The following CTNNA2 variants were observed in gnomAD, a reference collection of about 807,000 sequenced individuals.
CTNNA2 encodes the protein catenin alpha 2, also known as catenin alpha-2.
CTNNA2 carries 42 observed loss-of-function variants against 101.0 expected under a neutral mutation model. That is an observed-to-expected ratio of 0.42 (90% confidence interval 0.32 to 0.54). The LOEUF (loss-of-function observed/expected upper bound fraction) is 0.54, where lower values mean the gene tolerates loss of function less well. Among genes scored for constraint, CTNNA2 ranks in the 20% least tolerant of loss-of-function variants. The pLI is 0.14. For missense variants in CTNNA2, 871 were observed against 1,223.1 expected (o/e 0.71, Z 4.29); for synonymous variants, 450 against 456.4 (o/e 0.99, Z 0.18).
intron 7 of CTNNA2, among the ~76,000 whole-genome samples, chr2:80,334,071 C>T (rs1344241308): frequency 6.6e-6 from 1 of 152,136 alleles, no homozygotes; most frequent in Non-Finnish European, 1.5e-5. Flanking sequence ...ACTCCCTGGA[C>T]CTTTCTGCTG....
intron 7 of CTNNA2, among the ~76,000 whole-genome samples, chr2:80,353,170 A>G (rs992882492): frequency 3.3e-5 from 5 of 151,928 alleles, no homozygotes; most frequent in African/African-American, 1.2e-4. Context: ...TTTCCCCTCC[A>G]TTTAGATTTA....
At chr2:79,949,712 A>T (rs541995875) in intron 7 of CTNNA2, among the ~76,000 whole-genome samples, 1 of 152,298 alleles carries the variant, frequency 6.6e-6, no homozygotes, top group African/African-American at 2.4e-5. Context: ...CAGTAGTTCG[A>T]GGCTGTAGGG....
chr2:79,921,976 G>C (rs1311199776), intron 7 of CTNNA2, among the ~76,000 whole-genome samples: 1 of 152,174 alleles, frequency 6.6e-6, no homozygotes, highest in Non-Finnish European at 1.5e-5. Context: ...CAGGGAAAGA[G>C]CTGGGAAGGT....
intron 4 of CTNNA2, among the ~76,000 whole-genome samples, chr2:79,444,885 G>A (rs1048394236): frequency 6.6e-6 from 1 of 152,020 alleles, no homozygotes; most frequent in Admixed American, 6.6e-5. Flanking sequence ...TTAGAAAAAT[G>A]GAAGAAATTA....
intron 7 of CTNNA2, among the ~76,000 whole-genome samples, chr2:79,945,623 C>G (rs148265384): frequency 3.9e-5 from 6 of 152,124 alleles, no homozygotes; most frequent in Non-Finnish European, 8.8e-5. Context: ...CAGCAAAGCA[C>G]TAGGTTTTTG....
intron 7 of CTNNA2, among the ~76,000 whole-genome samples, chr2:79,918,082 T>C (rs192658258): frequency 1.5e-4 from 22 of 147,140 alleles, no homozygotes; most frequent in African/African-American, 5.6e-4. Flanking sequence ...CCCTGTTGCC[T>C]TCATTGCGGT....
chr2:80,282,812 T>C (rs574277996), intron 7 of CTNNA2, among the ~76,000 whole-genome samples: 42 of 152,262 alleles, frequency 2.8e-4, no homozygotes, highest in African/African-American at 9.4e-4. Flanking sequence ...CTTCTCTAGA[T>C]GAGTAGACCA....
intron 4 of CTNNA2, among the ~76,000 whole-genome samples, chr2:79,413,605 T>A (rs1427610722): frequency 6.6e-6 from 1 of 152,064 alleles, no homozygotes; most frequent in African/African-American, 2.4e-5. Context: ...AGTCACATAG[T>A]AGTTCTATTT....
intron 3 of CTNNA2, among the ~76,000 whole-genome samples, chr2:79,755,861 A>G (rs749960647): frequency 2.4e-4 from 37 of 152,206 alleles, no homozygotes; most frequent in Non-Finnish European, 4.8e-4. Context: ...AAATACCAAA[A>G]AACCTAGAGA....
intron 7 of CTNNA2, among the ~76,000 whole-genome samples, chr2:80,108,994 A>G (rs1361756334): frequency 6.6e-6 from 1 of 152,166 alleles, no homozygotes; most frequent in Admixed American, 6.5e-5. Flanking sequence ...ATTATCTGAC[A>G]TACCTCATCA....
intron 1 of CTNNA2, among the ~76,000 whole-genome samples, chr2:79,617,537 A>G (rs551398279): frequency 4.3e-4 from 65 of 152,096 alleles, no homozygotes; most frequent in African/African-American, 1.5e-3. Context: ...TCATTTTCAG[A>G]TGTCTATGTG....
At chr2:80,281,734 T>C (rs1674397909) in intron 7 of CTNNA2, among the ~76,000 whole-genome samples, 1 of 152,040 alleles carries the variant, frequency 6.6e-6, no homozygotes, top group Non-Finnish European at 1.5e-5. Context: ...TTAATTATAG[T>C]TTAAAAATTA....
At chr2:79,444,086 A>T (rs1386342740) in intron 4 of CTNNA2, among the ~76,000 whole-genome samples, 2 of 152,050 alleles carry the variant, frequency 1.3e-5, no homozygotes, top group African/African-American at 4.8e-5. Flanking sequence ...GGAAGCTGAT[A>T]TCTCTACAGT....
chr2:79,668,081 A>G (rs1345682359), intron 2 of CTNNA2, among the ~76,000 whole-genome samples: 2 of 150,520 alleles, frequency 1.3e-5, no homozygotes, highest in Non-Finnish European at 3.0e-5. Context: ...TCTACTAAAA[A>G]TACAAAAAAT....
chr2:79,452,440 C>T (rs1670767050), intron 4 of CTNNA2, among the ~76,000 whole-genome samples: 1 of 151,894 alleles, frequency 6.6e-6, no homozygotes, highest in African/African-American at 2.4e-5. Context: ...TGCAAAGCAT[C>T]TACACATTGG....
intron 3 of CTNNA2, among the ~76,000 whole-genome samples, chr2:79,336,010 T>C (rs2104422911): frequency 6.6e-6 from 1 of 152,232 alleles, no homozygotes; most frequent in Middle Eastern, 3.4e-3. Context: ...AATACTGCAA[T>C]AAATCTGCAA....
intron 3 of CTNNA2, among the ~76,000 whole-genome samples, chr2:79,342,734 C>T (rs1379384127): frequency 6.6e-6 from 1 of 152,192 alleles, no homozygotes; most frequent in Non-Finnish European, 1.5e-5. Flanking sequence ...TCCCTACCTG[C>T]AGATCCTCTC....
At chr2:79,883,000 G>A (rs549969099) in intron 6 of CTNNA2, among the ~76,000 whole-genome samples, 9 of 152,290 alleles carry the variant, frequency 5.9e-5, no homozygotes, top group African/African-American at 1.9e-4. Context: ...CTTCCTCTCC[G>A]TGGATCACGC....
chr2:79,592,134 T>A (rs1039122484), intron 1 of CTNNA2, among the ~76,000 whole-genome samples: 8 of 151,416 alleles, frequency 5.3e-5, no homozygotes, highest in Non-Finnish European at 8.8e-5. Context: ...TTTTTTTTTT[T>A]TTTGAGATGG....
Sources: allele counts gnomAD v4.1 joint callset (sites outside exome capture counted in the v4.1 genomes callset), GRCh38; gene constraint gnomAD v4.1.1; transcripts MANE v1.5; gene names NCBI Gene and HGNC (gene_info 2026-07-23, HGNC 2026-07-21).